AKAP6: variants seen among roughly 807,000 people sequenced by gnomAD.
AKAP6 encodes the protein A-kinase anchoring protein 6, also known as A-kinase anchor protein 6.
Under a neutral mutation model 188.5 loss-of-function variants are expected in AKAP6, and 58 were observed. The observed-to-expected ratio is 0.31, with a 90% CI of 0.25 to 0.38. The LOEUF is 0.38. Ranked by LOEUF, AKAP6 falls within the 10% of genes least tolerant of loss-of-function variation. The probability of loss-of-function intolerance (pLI) is 1.00; values close to 1 mark genes in which losing one functional copy is unlikely to be tolerated. For missense variants in AKAP6, 2,710 were observed against 2,740.0 expected (o/e 0.99, Z 0.24); for synonymous variants, 989 against 998.6 (o/e 0.99, Z 0.18).
intron 12 of AKAP6, among the ~76,000 whole-genome samples, chr14:32,791,573 C>A (rs1184697765): frequency 6.6e-6 from 1 of 152,084 alleles, no homozygotes; most frequent in Non-Finnish European, 1.5e-5. Flanking sequence ...TGTAGGTTGC[C>A]TGTTCACTCT....
At chr14:32,387,483 TTA>T (rs1341052337) in intron 1 of AKAP6, among the ~76,000 whole-genome samples, 1 of 148,236 alleles carries the variant, frequency 6.7e-6, no homozygotes, top group East Asian at 1.9e-4. Context: ...TATTTTATTA[TTA>T]TATTTTATAT....
At chr14:32,386,435 C>T (rs1293448099) in intron 1 of AKAP6, among the ~76,000 whole-genome samples, 3 of 151,988 alleles carry the variant, frequency 2.0e-5, no homozygotes, top group Admixed American at 2.0e-4. Flanking sequence ...ATCCTTAGCC[C>T]ACTTTTTAAT....
chr14:32,648,262 AT>A (rs1888065165), intron 7 of AKAP6, among the ~76,000 whole-genome samples: 1 of 152,102 alleles, frequency 6.6e-6, no homozygotes, highest in East Asian at 1.9e-4. Flanking sequence ...TACAATAAAA[AT>A]ATCTCATTCT....
intron 9 of AKAP6, among the ~76,000 whole-genome samples, chr14:32,714,471 T>G (rs143311791): frequency 4.3e-4 from 66 of 152,122 alleles, no homozygotes; most frequent in African/African-American, 1.3e-3. Flanking sequence ...GTATAATTTC[T>G]AAATACTACA....
At chr14:32,737,891 C>A (rs1375838946) in intron 11 of AKAP6, among the ~76,000 whole-genome samples, 1 of 152,110 alleles carries the variant, frequency 6.6e-6, no homozygotes, top group Non-Finnish European at 1.5e-5. Flanking sequence ...TGGGATGAGA[C>A]AAGGGATCAG....
chr14:32,599,321 T>C lies in AKAP6; in HGVS notation c.2470-89T>C, dbSNP rs1885828402. On this transcript the variant is annotated intron_variant, in intron 5 of 13. Coordinates refer to ENST00000280979, the MANE Select transcript of AKAP6 (RefSeq NM_004274.5). ...CTATTGGGTAAATTGGGCTGTGTGG[T>C]TCTTGATAAAAAGTAGCAAGTAATT... is the stretch of plus-strand genomic sequence containing the variant. 6 of 1,089,112 alleles carry C rather than the reference T, an allele frequency of 5.5e-6. No homozygotes were observed. In the South Asian group the frequency reaches 7.4e-5, roughly 14 times the overall value. The allele number at this position is 1,089,112 out of a possible 1,614,324, so 67.5% of individuals were successfully genotyped here.
chr14:32,836,167 C>T lies in AKAP6; in HGVS notation c.*6362C>T, dbSNP rs1414319835. The T allele has an allele frequency of 6.6e-6, 1 of 152,194 alleles. No homozygotes were observed. Among genetic ancestry groups the T allele is most frequent in the African/African-American group, 2.4e-5 (1 of 41,450 alleles). 9.4% of individuals were successfully genotyped at this position (152,194 alleles called of 1,614,324 possible). A position where few individuals can be genotyped will look rare whatever the true frequency, so the allele number is the denominator to read the frequency against. On this transcript the variant is annotated 3_prime_UTR_variant, in exon 14 of 14. Transcript: ENST00000280979. ...AATGTGTTCATACGTGTAAGACTGT[C>T]TTAGTCTGCCCAGACTGCTTGGACT... is the stretch of plus-strand genomic sequence containing the variant.
At chr14:32,628,686 C>A (rs927191343) in intron 7 of AKAP6, among the ~76,000 whole-genome samples, 15 of 150,960 alleles carry the variant, frequency 9.9e-5, no homozygotes, top group Non-Finnish European at 1.8e-4. Context: ...CCTTTCCTCC[C>A]TTTTTCTCTT....
intron 12 of AKAP6, 45 bp from the exon 13 acceptor site, chr14:32,821,357 G>T: frequency 6.6e-7 from 1 of 1,521,596 alleles, no homozygotes; most frequent in East Asian, 2.3e-5. Flanking sequence ...TTTCATGCTT[G>T]TGTTCCCTAA....
intron 7 of AKAP6, among the ~76,000 whole-genome samples, chr14:32,644,728 A>G (rs1188327001): frequency 1.3e-5 from 2 of 151,694 alleles, no homozygotes; most frequent in Admixed American, 1.3e-4. Context: ...CTCTCTCCTC[A>G]CCAACCATCA....
chr14:32,753,323 C>A (rs2032210307), intron 11 of AKAP6, among the ~76,000 whole-genome samples: 1 of 151,880 alleles, frequency 6.6e-6, no homozygotes, highest in African/African-American at 2.4e-5. Context: ...TTTTCATAAA[C>A]CTGTCTTCTG....
chr14:32,803,896 A>T (rs940881817), intron 12 of AKAP6, among the ~76,000 whole-genome samples: 4 of 152,232 alleles, frequency 2.6e-5, no homozygotes, highest in African/African-American at 9.6e-5. Context: ...AGATAGCACA[A>T]TCTCTTCAAT....
Position 32,521,309 on chromosome 14 carries a change from T to C in AKAP6, c.325-14245T>C, listed in dbSNP as rs140717276. 9.5e-4 allele frequency among the ~76,000 whole-genome samples: 144 copies of C among 152,156 alleles called. 1 individual carries two copies. The highest frequency in any genetic ancestry group is 1.7e-3 in the Non-Finnish European group (115 of 68,008). ...GGATGCCCTCTCTCACCACTCCTAT[T>C]CAACATAGTGTTGGAAGTTCTGGCC... On this transcript the variant is annotated intron_variant, in intron 2 of 13. Coordinates refer to ENST00000280979, the MANE Select transcript of AKAP6 (RefSeq NM_004274.5).
chr14:32,435,883 G>A (rs1384401657), intron 2 of AKAP6, among the ~76,000 whole-genome samples: 3 of 152,186 alleles, frequency 2.0e-5, no homozygotes, highest in African/African-American at 7.2e-5. Flanking sequence ...AATCTACTTA[G>A]TTAAGTTTCT....
At chr14:32,478,825 G>A (rs1205717884) in intron 2 of AKAP6, among the ~76,000 whole-genome samples, 1 of 152,176 alleles carries the variant, frequency 6.6e-6, no homozygotes, top group Non-Finnish European at 1.5e-5. Flanking sequence ...ATAGGAAATG[G>A]AAGAGAAGCA....
chr14:32,522,137 T>A (rs1413094134), intron 2 of AKAP6, among the ~76,000 whole-genome samples: 1 of 152,186 alleles, frequency 6.6e-6, no homozygotes, highest in Non-Finnish European at 1.5e-5. Flanking sequence ...GCTAGCTATA[T>A]GTAGAAATCT....
rs544497573 is a variant in AKAP6, at chr14:32,352,771, G to A, written c.-35+23363G>A. On this transcript the variant is annotated intron_variant, in intron 1 of 13. Transcript: ENST00000280979. Reference sequence around the variant, plus strand: ...TAGTGGCTGAATAATATTCCATTGCGTATGTGTACCACATTCATTATTCAT... The same window carrying A: ...TAGTGGCTGAATAATATTCCATTGCATATGTGTACCACATTCATTATTCAT... Among the ~76,000 whole-genome samples, 37 of 152,282 alleles carry A rather than the reference G, an allele frequency of 2.4e-4. 1 individual carries two copies. Among genetic ancestry groups the A allele is most frequent in the South Asian group, 6.2e-4 (3 of 4,826 alleles).
At chr14:32,585,034 T>G (rs537382771) in intron 5 of AKAP6, among the ~76,000 whole-genome samples, 3 of 151,310 alleles carry the variant, frequency 2.0e-5, no homozygotes, top group African/African-American at 7.3e-5. Context: ...GGTAACTAGT[T>G]TTTTTTTTTC....
intron 2 of AKAP6, among the ~76,000 whole-genome samples, chr14:32,512,857 G>A (rs1454189390): frequency 6.6e-6 from 1 of 152,264 alleles, no homozygotes; most frequent in Non-Finnish European, 1.5e-5. Context: ...TCCAGAAAAT[G>A]TTCTAGATTG....
Sources: allele counts gnomAD v4.1 joint callset (sites outside exome capture counted in the v4.1 genomes callset), GRCh38; gene constraint gnomAD v4.1.1; transcripts MANE v1.5; gene names NCBI Gene and HGNC (gene_info 2026-07-23, HGNC 2026-07-21).